The following CACNA1D variants were observed in gnomAD, a reference collection of about 807,000 sequenced individuals.
The protein encoded by CACNA1D is voltage-dependent L-type calcium channel subunit alpha-1D.
Under a neutral mutation model 257.1 loss-of-function variants are expected in CACNA1D, and 55 were observed. The ratio of observed to expected loss-of-function variants is 0.21; its 90% CI spans 0.17 to 0.27. The LOEUF (loss-of-function observed/expected upper bound fraction) is 0.27, where lower values mean the gene tolerates loss of function less well. Ranked by LOEUF, CACNA1D falls within the 10% of genes least tolerant of loss-of-function variation. The pLI is 1.00. For missense variants in CACNA1D, 1,876 were observed against 2,784.0 expected (o/e 0.67, Z 7.34); for synonymous variants, 980 against 1,014.9 (o/e 0.97, Z 0.65).
intron 25 of CACNA1D, among the ~76,000 whole-genome samples, chr3:53,746,323 T>TAGAAC (rs1350695692): frequency 6.6e-6 from 1 of 152,196 alleles, no homozygotes; most frequent in Non-Finnish European, 1.5e-5. Context: ...CTCCCTCTTC[T>TAGAAC]TATACACTTT....
In CACNA1D at chr3:53,800,963, G is replaced by T. The variant is rs548489059; in HGVS notation, c.5041-95G>T. 3 of 1,238,116 alleles carry T rather than the reference G, an allele frequency of 2.4e-6. No individual in the cohort carries two copies. The South Asian group carries it at 3.6e-5, about 15-fold the overall frequency. 76.7% of individuals were successfully genotyped at this position (1,238,116 alleles called of 1,614,324 possible). A position where few individuals can be genotyped will look rare whatever the true frequency, so the allele number is the denominator to read the frequency against. ...ACAGGGATCCTACGGAGCTTGCCTA[G>T]AATTTGTTTTTCATGTAGAAAAAGT... On this transcript the variant is annotated intron_variant, in intron 41 of 47. Transcript: ENST00000350061. The surrounding 1 kb of genome is among the most constrained non-coding windows in gnomAD (Gnocchi z 4.3).
At chr3:53,792,655 A>G (rs1267114510) in intron 40 of CACNA1D, among the ~76,000 whole-genome samples, 4 of 152,134 alleles carry the variant, frequency 2.6e-5, no homozygotes, top group African/African-American at 9.7e-5. Flanking sequence ...CCCAAAGGCT[A>G]GGCAGAGGGT....
chr3:53,507,889 GA>G (rs1217033861), intron 3 of CACNA1D, among the ~76,000 whole-genome samples: 3 of 151,708 alleles, frequency 2.0e-5, no homozygotes, highest in South Asian at 2.1e-4. Context: ...TGGCTTAGCT[GA>G]AAAAAAAGTG....
rs1243527278 is a variant in CACNA1D at position 53,753,567 on chromosome 3, C to T, written c.3676-5C>T. On this transcript the variant is annotated splice_polypyrimidine_tract_variant and splice_region_variant and intron_variant, in intron 28 of 47. Coordinates refer to ENST00000350061, the MANE Select transcript of CACNA1D (RefSeq NM_001128840.3). ...TGAGAACGGTCCCTCTGTCTTCATC[C>T]ATAGCACTACGAGCAGTCCAAGATG... 1.3e-6 allele frequency: 2 copies of T among 1,572,908 alleles called. No individual in the cohort carries two copies. The highest frequency in any genetic ancestry group is 1.7e-5 in the Admixed American group (1 of 59,970).
intron 3 of CACNA1D, among the ~76,000 whole-genome samples, chr3:53,549,362 G>T (rs1012428123): frequency 3.3e-5 from 5 of 152,182 alleles, no homozygotes; most frequent in African/African-American, 1.2e-4. Flanking sequence ...CATACTCATA[G>T]GCCCTTGAGA....
In CACNA1D at chr3:53,495,215, C is replaced by G; in HGVS notation, c.49C>G (p.Gln17Glu). ...MKKMQHQRQQ[Q>E]ADHANEANYA... ...AAAAATGCAGCATCAACGGCAGCAG[C>G]AAGCGGACCACGCGAACGGTGAGCA... The change falls in exon 1 of 48, where the codon CAA becomes GAA. Residue 17 changes from glutamine (Q) to glutamate (E), a missense_variant. By Grantham distance (29) the Gln-to-Glu change is conservative. Around this residue, in one of 10 missense-constraint regions of CACNA1D, gnomAD observed 143 missense variants for 168.7 expected, o/e 0.85. Transcript: ENST00000350061. This position sits in a 1 kb window ranked among gnomAD's most constrained non-coding sequence, Gnocchi z 5.1. The G allele has an allele frequency of 6.2e-7, 1 of 1,613,804 alleles. No homozygotes were observed.
intron 3 of CACNA1D, among the ~76,000 whole-genome samples, chr3:53,600,268 C>T (rs1348382998): frequency 6.6e-6 from 1 of 152,246 alleles, no homozygotes; most frequent in African/African-American, 2.4e-5. Context: ...CTCTTTTCAG[C>T]TTCCTCCTCA....
chr3:53,726,993 G>A lies in CACNA1D; in HGVS notation c.2215G>A (p.Gly739Ser). ...CIYFIILFICGNYILLNVFLA... is the reference protein window; with the variant it reads ...CIYFIILFICSNYILLNVFLA... ...CTACTTCATCATCCTCTTCATTTGT[G>A]GTAACTGTATCCTTCAAGCCGACCA... The change falls in exon 15 of 48, where the codon GGT becomes AGT. Residue 739 changes from glycine to serine, a missense_variant. By Grantham distance (56) the Gly-to-Ser change is moderately conservative (BLOSUM62 0). Coordinates refer to ENST00000350061, the MANE Select transcript of CACNA1D (RefSeq NM_001128840.3). 6.2e-7 allele frequency: 1 copy of A among 1,614,130 alleles called. No homozygotes were observed. The highest frequency in any genetic ancestry group is 8.5e-7 in the Non-Finnish European group (1 of 1,180,008).
At chr3:53,761,708 A>G (rs1309279588) in intron 29 of CACNA1D, among the ~76,000 whole-genome samples, 1 of 152,116 alleles carries the variant, frequency 6.6e-6, no homozygotes, top group African/African-American at 2.4e-5. Flanking sequence ...TCTGCCCTGT[A>G]GATATCCTGC....
intron 4 of CACNA1D, among the ~76,000 whole-genome samples, chr3:53,659,320 C>T (rs2094180364): frequency 6.6e-6 from 1 of 152,130 alleles, no homozygotes; most frequent in South Asian, 2.1e-4. Flanking sequence ...AATACCTTAC[C>T]TTAGGTAACT....
intron 15 of CACNA1D, among the ~76,000 whole-genome samples, chr3:53,728,791 T>C (rs190029910): frequency 2.3e-3 from 349 of 152,336 alleles, no homozygotes; most frequent in Non-Finnish European, 4.2e-3. Context: ...GTGGTGTTTC[T>C]TCCTGTGCCC....
intron 30 of CACNA1D, chr3:53,765,588 G>A (rs2095327823): frequency 6.6e-6 from 1 of 152,628 alleles, no homozygotes; most frequent in Non-Finnish European, 1.5e-5. Context: ...GCTAAGGATT[G>A]GTTGCAATCA....
At chr3:53,503,475 A>C (rs545944154) in intron 3 of CACNA1D, among the ~76,000 whole-genome samples, 1 of 152,352 alleles carries the variant, frequency 6.6e-6, no homozygotes, top group South Asian at 2.1e-4. Context: ...CCAGATTGTT[A>C]CTTTTCGTAG....
chr3:53,569,553 C>T (rs532089428), intron 3 of CACNA1D, among the ~76,000 whole-genome samples: 8 of 152,144 alleles, frequency 5.3e-5, no homozygotes, highest in Non-Finnish European at 1.2e-4. Context: ...TCTAGTAATT[C>T]GCTGTCTCAG....
chr3:53,757,965 G>C (rs1163090874), intron 29 of CACNA1D, among the ~76,000 whole-genome samples: 3 of 152,166 alleles, frequency 2.0e-5, no homozygotes, highest in African/African-American at 4.8e-5. Flanking sequence ...GCAGCTGCTT[G>C]AGGTCTCAGG....
In CACNA1D at chr3:53,805,390, G is replaced by T. The variant is rs537493363; in HGVS notation, c.5749+244G>T. Among the ~76,000 whole-genome samples, 6 of 152,312 alleles carry T rather than the reference G, an allele frequency of 3.9e-5. No individual in the cohort carries two copies. The East Asian group carries it at 1.2e-3, about 29-fold the overall frequency. On this transcript the variant is annotated intron_variant, in intron 45 of 47. Coordinates refer to ENST00000350061, the MANE Select transcript of CACNA1D (RefSeq NM_001128840.3). ...TCTTTGAGAAGAGAGAGGCTGTGGG[G>T]CCCTAAGATTGCACGCACACATCTG... is the stretch of plus-strand genomic sequence containing the variant.
At chr3:53,676,539 G>A (rs769247246) in intron 8 of CACNA1D, among the ~76,000 whole-genome samples, 12 of 152,260 alleles carry the variant, frequency 7.9e-5, no homozygotes, top group East Asian at 1.9e-4. Flanking sequence ...GAATTAAAAC[G>A]CCCTCATTTT....
At chr3:53,600,283 A>T (rs1379026993) in intron 3 of CACNA1D, among the ~76,000 whole-genome samples, 1 of 152,200 alleles carries the variant, frequency 6.6e-6, no homozygotes, top group Non-Finnish European at 1.5e-5. Flanking sequence ...TCCTCAATTG[A>T]TACGGATGAA....
intron 3 of CACNA1D, among the ~76,000 whole-genome samples, chr3:53,514,428 T>C (rs1575722773): frequency 6.6e-6 from 1 of 152,108 alleles, no homozygotes; most frequent in East Asian, 1.9e-4. Context: ...CATTCATGCT[T>C]TTGATTAGTG....
Sources: gnomAD v4.1 joint callset for allele counts (sites outside exome capture counted in the v4.1 genomes callset) on GRCh38, gnomAD v4.1.1 for gene constraint, gnomAD v4.1.1 regional missense constraint, Gnocchi (gnomAD v3.1) non-coding constraint, MANE v1.5 for transcripts, NCBI Gene and HGNC (gene_info 2026-07-23, HGNC 2026-07-21) for gene names.